SLC35F3: variants seen among roughly 807,000 people sequenced by gnomAD.
The protein encoded by SLC35F3 is putative thiamine transporter SLC35F3.
Under a neutral mutation model 49.9 loss-of-function variants are expected in SLC35F3, and 25 were observed. That is an observed-to-expected ratio of 0.50 (90% CI 0.37 to 0.70). The LOEUF is 0.70. Ranked by LOEUF, SLC35F3 falls within the 30% of genes least tolerant of loss-of-function variation. The pLI, the probability that SLC35F3 is intolerant of heterozygous loss-of-function variation, is 0.00. For missense variants in SLC35F3, 525 were observed against 639.8 expected (o/e 0.82, Z 1.94); for synonymous variants, 275 against 265.4 (o/e 1.04, Z -0.35).
intron 2 of SLC35F3, among the ~76,000 whole-genome samples, chr1:234,207,424 CCCTCTTTCCTG>C (rs1666988738): frequency 2.8e-5 from 2 of 70,194 alleles, no homozygotes; most frequent in South Asian, 6.2e-4. Flanking sequence ...CTTTCTCCCT[CCCTCTTTCCTG>C]CTTCCTTTTT....
At chr1:234,061,360 G>A (rs542844162) in intron 2 of SLC35F3, among the ~76,000 whole-genome samples, 31 of 151,962 alleles carry the variant, frequency 2.0e-4, no homozygotes, top group Non-Finnish European at 4.1e-4. Context: ...TAAATGATAA[G>A]CCAGTTTTCT....
At chr1:234,186,821 A>C (rs542371882) in intron 2 of SLC35F3, among the ~76,000 whole-genome samples, 14 of 152,282 alleles carry the variant, frequency 9.2e-5, no homozygotes, top group Admixed American at 5.2e-4. Context: ...TATTGATGGA[A>C]TACTATGGGA....
chr1:234,228,585 C>T (rs61823365), intron 2 of SLC35F3, among the ~76,000 whole-genome samples: 29,674 of 152,124 alleles, frequency 0.2, 3,616 homozygotes, highest in Non-Finnish European at 0.26. Flanking sequence ...ATACATAGCC[C>T]TGTGAGATGT....
intron 2 of SLC35F3, among the ~76,000 whole-genome samples, chr1:234,100,829 C>T (rs943630109): frequency 1.1e-4 from 16 of 152,214 alleles, no homozygotes; most frequent in African/African-American, 3.9e-4. Flanking sequence ...CATATTACTT[C>T]TGCCAGAAAG....
rs377575435 is a variant in SLC35F3 at position 233,905,726 on chromosome 1, A to G, written c.251A>G (p.Tyr84Cys). 57 of 1,613,830 alleles carry G rather than the reference A, an allele frequency of 3.5e-5. 1 individual carries two copies. Among genetic ancestry groups the G allele is most frequent in the Non-Finnish European group, 4.3e-5 (51 of 1,179,950 alleles). The change falls in exon 2 of 8, where the codon TAT (tyrosine) becomes TGT (cysteine). Residue 84 changes from tyrosine to cysteine, a missense_variant. Tyr to Cys is a radical substitution (Grantham distance 194, BLOSUM62 -2). Coordinates refer to ENST00000366618, the MANE Select transcript of SLC35F3 (RefSeq NM_173508.4). Reference sequence around the variant, plus strand: ...CGGATCCTGCGCATCACTGGCTACTATGGCTACCAGCCCTGGGCAGCGAGC... The same window carrying G: ...CGGATCCTGCGCATCACTGGCTACTGTGGCTACCAGCCCTGGGCAGCGAGC... ...EERILRITGY[Y>C]GYQPWAASCK...
At chr1:234,099,494 CAGCTACTCAGGTGGCTG>C (rs1665181651) in intron 2 of SLC35F3, among the ~76,000 whole-genome samples, 1 of 151,722 alleles carries the variant, frequency 6.6e-6, no homozygotes, top group Non-Finnish European at 1.5e-5. Flanking sequence ...CCTGCAGTCC[CAGCTACTCAGGTGGCTG>C]AGGCAGAAGA....
At chr1:233,923,322 A>C (rs1662099875) in intron 2 of SLC35F3, among the ~76,000 whole-genome samples, 1 of 151,924 alleles carries the variant, frequency 6.6e-6, no homozygotes, top group Non-Finnish European at 1.5e-5. Flanking sequence ...CTTTTATTTC[A>C]TTGAGCAGTG....
chr1:234,252,192 CCA>C (rs1351714171), intron 3 of SLC35F3, among the ~76,000 whole-genome samples: 4 of 152,034 alleles, frequency 2.6e-5, no homozygotes, highest in African/African-American at 9.7e-5. Flanking sequence ...GCCTCAGCCT[CCA>C]AAGTAGTTGG....
At chr1:234,305,947 C>G (rs929802340) in intron 3 of SLC35F3, among the ~76,000 whole-genome samples, 8 of 152,102 alleles carry the variant, frequency 5.3e-5, no homozygotes, top group Admixed American at 2.6e-4. Flanking sequence ...AGCCTGCCAG[C>G]AGCATCAGTG....
chr1:233,918,531 C>G (rs933167914), intron 2 of SLC35F3, among the ~76,000 whole-genome samples: 1 of 152,144 alleles, frequency 6.6e-6, no homozygotes, highest in Non-Finnish European at 1.5e-5. Flanking sequence ...CACTGTGGCT[C>G]AAGCCTGTAA....
At chr1:234,171,945 C>CCCCCTCA (rs1384880339) in intron 2 of SLC35F3, among the ~76,000 whole-genome samples, 1 of 151,994 alleles carries the variant, frequency 6.6e-6, no homozygotes, top group Non-Finnish European at 1.5e-5. Context: ...ACTCAGTTAT[C>CCCCCTCA]CCCCTCACCC....
chr1:234,149,875 A>G (rs1666052864), intron 2 of SLC35F3, among the ~76,000 whole-genome samples: 1 of 152,218 alleles, frequency 6.6e-6, no homozygotes, highest in Admixed American at 6.5e-5. Context: ...AACTGCCCAG[A>G]ACAGTCCAAT....
chr1:234,294,102 C>G (rs969480240), intron 3 of SLC35F3, among the ~76,000 whole-genome samples: 4 of 152,188 alleles, frequency 2.6e-5, no homozygotes, highest in Admixed American at 2.0e-4. Context: ...ATGCCCATGT[C>G]TTTAAATAGT....
At chr1:234,250,345 G>C (rs1039337205) in intron 3 of SLC35F3, among the ~76,000 whole-genome samples, 9 of 152,168 alleles carry the variant, frequency 5.9e-5, no homozygotes, top group Admixed American at 5.9e-4. Context: ...CTGAGGCTGG[G>C]TCACTTACAA....
At chr1:234,257,499 C>T (rs1478310628) in intron 3 of SLC35F3, among the ~76,000 whole-genome samples, 1 of 152,138 alleles carries the variant, frequency 6.6e-6, no homozygotes, top group Non-Finnish European at 1.5e-5. Context: ...TGTATTTGCA[C>T]ACAGCAAAAG....
chr1:234,223,897 G>A (rs761580447), intron 2 of SLC35F3, among the ~76,000 whole-genome samples: 1 of 152,186 alleles, frequency 6.6e-6, no homozygotes, highest in Non-Finnish European at 1.5e-5. Flanking sequence ...GTTTGCAGAT[G>A]GCCGCCTTCT....
chr1:234,309,303 A>G lies in SLC35F3; in HGVS notation c.811A>G (p.Arg271Gly). ...FLLSWIVLRD[R>G]FMGVRIVAAI... The stretch of plus-strand genomic sequence containing the variant: ...GCTCTCATGGATCGTTCTCAGGGAC[A>G]GATTCATGGGAGTGAGGGTAAGTTC... Residue 271 changes from arginine (R) to glycine (G), a missense_variant, in exon 4 of 8, where the codon AGA (arginine) becomes GGA (glycine). Transcript: ENST00000366618. 1 of 1,614,216 alleles carries G rather than the reference A, an allele frequency of 6.2e-7. No homozygotes were observed. Among genetic ancestry groups the G allele is most frequent in the Non-Finnish European group, 8.5e-7 (1 of 1,180,002 alleles).
At chr1:234,014,154 T>C (rs1663766879) in intron 2 of SLC35F3, among the ~76,000 whole-genome samples, 1 of 152,192 alleles carries the variant, frequency 6.6e-6, no homozygotes, top group African/African-American at 2.4e-5. Context: ...TCAAGTGGGA[T>C]TTATTCCTGC....
At chr1:234,068,837 A>ATATATATATATATG (rs1664659978) in intron 2 of SLC35F3, among the ~76,000 whole-genome samples, 1 of 132,288 alleles carries the variant, frequency 7.6e-6, no homozygotes, top group Non-Finnish European at 1.6e-5. Flanking sequence ...ATATATATAT[A>ATATATATATATATG]TATATATATA....
Sources: gnomAD v4.1 joint callset for allele counts (sites outside exome capture counted in the v4.1 genomes callset) on GRCh38, gnomAD v4.1.1 for gene constraint, MANE v1.5 for transcripts, NCBI Gene and HGNC (gene_info 2026-07-23, HGNC 2026-07-21) for gene names.